Variants in PPP1R1C observed in about 807,000 individuals in gnomAD.
PPP1R1C encodes protein phosphatase 1 regulatory subunit 1C.
In PPP1R1C, 15 loss-of-function variants were observed where a neutral mutation model predicts 17.4. The ratio of observed to expected loss-of-function variants is 0.86; its 90% CI spans 0.58 to 1.33. The LOEUF (loss-of-function observed/expected upper bound fraction) is 1.33. Ranked by LOEUF, PPP1R1C falls within the 40% of genes most tolerant of loss-of-function variation. The probability of loss-of-function intolerance (pLI) is 0.00; values close to 1 mark genes in which losing one functional copy is unlikely to be tolerated. For synonymous variants in PPP1R1C, 35 were observed against 43.1 expected (o/e 0.81, Z 0.73); for missense variants, 143 against 130.0 (o/e 1.10, Z -0.48).
chr2:181,999,171 T>C (rs1288534569), intron 2 of PPP1R1C, among the ~76,000 whole-genome samples: 1 of 152,180 alleles, frequency 6.6e-6, no homozygotes, highest in Admixed American at 6.5e-5. Flanking sequence ...ATTCAAAATA[T>C]ATTTTGAAAC....
intron 4 of PPP1R1C, among the ~76,000 whole-genome samples, chr2:182,069,757 CT>C (rs1452504813): frequency 6.6e-6 from 1 of 152,128 alleles, no homozygotes; most frequent in Non-Finnish European, 1.5e-5. Context: ...TTATATTTCT[CT>C]GTATAAATAA....
intron 4 of PPP1R1C, among the ~76,000 whole-genome samples, chr2:182,068,739 A>G (rs919559014): frequency 2.0e-5 from 3 of 152,222 alleles, no homozygotes; most frequent in African/African-American, 4.8e-5. Flanking sequence ...GTTGAAAAAC[A>G]AAATGATAGC....
At chr2:182,121,539 G>A (rs150760928), downstream of PPP1R1C, among the ~76,000 whole-genome samples, 26 of 152,048 alleles carry the variant, frequency 1.7e-4, no homozygotes, top group African/African-American at 6.0e-4. Flanking sequence ...CCAGGCTGGA[G>A]TACAGTGGCA....
chr2:182,063,866 A>T, intron 4 of PPP1R1C, 75 bp downstream of exon 4: 3 of 1,059,834 alleles, frequency 2.8e-6, no homozygotes. Context: ...CTCTAGGACC[A>T]CATATCTGAT....
chr2:182,036,577 G>A (rs1687010314), intron 2 of PPP1R1C, among the ~76,000 whole-genome samples: 1 of 152,028 alleles, frequency 6.6e-6, no homozygotes, highest in African/African-American at 2.4e-5. Flanking sequence ...TTATCTAGGT[G>A]ATCTCTAAGG....
intron 4 of PPP1R1C, among the ~76,000 whole-genome samples, chr2:182,100,272 G>C (rs373852132): frequency 4.6e-5 from 7 of 152,078 alleles, no homozygotes; most frequent in African/African-American, 1.7e-4. Flanking sequence ...GGCACTTTGG[G>C]AGGCTGAGGC....
intron 4 of PPP1R1C, among the ~76,000 whole-genome samples, chr2:182,112,035 A>C (rs1262812239): frequency 6.6e-6 from 1 of 152,110 alleles, no homozygotes; most frequent in Admixed American, 6.6e-5. Context: ...TCATTATCAG[A>C]ATTTTCCTAA....
chr2:182,109,244 C>T (rs1471214584), intron 4 of PPP1R1C, among the ~76,000 whole-genome samples: 1 of 152,082 alleles, frequency 6.6e-6, no homozygotes, highest in Non-Finnish European at 1.5e-5. Context: ...TGGATAGTAG[C>T]CCTTTTATCA....
chr2:181,966,931 G>T (rs1176470368), intron 1 of PPP1R1C, among the ~76,000 whole-genome samples: 1 of 152,116 alleles, frequency 6.6e-6, no homozygotes, highest in South Asian at 2.1e-4. Flanking sequence ...GAAGCCATGG[G>T]GGGTGCTTGG....
chr2:182,086,508 T>A (rs1289839868), intron 4 of PPP1R1C, among the ~76,000 whole-genome samples: 3 of 152,176 alleles, frequency 2.0e-5, no homozygotes, highest in African/African-American at 7.2e-5. Context: ...ATTCTGCATT[T>A]ATGAATCTGT....
chr2:181,997,596 T>A (rs1157475739), intron 2 of PPP1R1C, among the ~76,000 whole-genome samples: 1 of 152,182 alleles, frequency 6.6e-6, no homozygotes, highest in African/African-American at 2.4e-5. Flanking sequence ...AGTAATGAGA[T>A]TGATTAAATT....
At chr2:181,965,257 C>A (rs938627127) in intron 1 of PPP1R1C, among the ~76,000 whole-genome samples, 5 of 151,880 alleles carry the variant, frequency 3.3e-5, no homozygotes, top group Admixed American at 2.0e-4. Context: ...TGTCTTTTTA[C>A]TTTGTTGATT....
rs368425806 is a variant in PPP1R1C, at chr2:182,002,935, C to A, written c.142+15036C>A. Among the ~76,000 whole-genome samples, 15 of 138,954 alleles carry A rather than the reference C, an allele frequency of 1.1e-4. 1 individual carries two copies. The highest frequency in any genetic ancestry group is 7.5e-4 in the South Asian group (3 of 3,996). 91.2% of individuals were successfully genotyped at this position (138,954 alleles called of 152,430 possible). On this transcript the variant is annotated intron_variant, in intron 2 of 4. Coordinates refer to ENST00000682840, the MANE Select transcript of PPP1R1C (RefSeq NM_001080545.3). ...CAAGAGTGATGCCATAAACCTCCCC[C>A]CCCCCACAACCCTGAAATCCCCCAG...
intron 5 of PPP1R1C, among the ~76,000 whole-genome samples, chr2:182,128,744 G>A (rs1488816447): frequency 1.3e-5 from 2 of 151,972 alleles, no homozygotes; most frequent in Non-Finnish European, 2.9e-5. Flanking sequence ...AAATAGTGAC[G>A]ATCAGTTTTT....
intron 2 of PPP1R1C, among the ~76,000 whole-genome samples, chr2:182,003,321 C>G (rs1311810451): frequency 1.3e-5 from 2 of 152,094 alleles, no homozygotes; most frequent in Non-Finnish European, 2.9e-5. Flanking sequence ...ATCTACTTTG[C>G]TTTATTCTTA....
chr2:182,053,057 A>T (rs990991200), intron 2 of PPP1R1C, among the ~76,000 whole-genome samples: 5 of 152,220 alleles, frequency 3.3e-5, no homozygotes, highest in Non-Finnish European at 7.4e-5. Context: ...GGCTTAGTAC[A>T]CAAAACAAAA....
At chr2:182,045,458 C>A in intron 2 of PPP1R1C, among the ~76,000 whole-genome samples, 1 of 150,860 alleles carries the variant, frequency 6.6e-6, no homozygotes. Context: ...AAAAAACTTC[C>A]ATTGATGATA....
At chr2:182,067,799 G>A (rs1044094674) in intron 4 of PPP1R1C, among the ~76,000 whole-genome samples, 3 of 152,158 alleles carry the variant, frequency 2.0e-5, no homozygotes, top group Admixed American at 6.5e-5. Flanking sequence ...AGGGTAAAGG[G>A]AAGTTTTATT....
intron 4 of PPP1R1C, among the ~76,000 whole-genome samples, chr2:182,091,107 A>G (rs1056177997): frequency 1.3e-5 from 2 of 152,206 alleles, no homozygotes; most frequent in Admixed American, 1.3e-4. Flanking sequence ...GGAGTAATAA[A>G]TTACCTTGAG....
Sources: allele counts gnomAD v4.1 joint callset (sites outside exome capture counted in the v4.1 genomes callset), GRCh38; gene constraint gnomAD v4.1.1; transcripts MANE v1.5; gene names NCBI Gene and HGNC (gene_info 2026-07-23, HGNC 2026-07-21).